TTC17: variants seen among roughly 807,000 people sequenced by gnomAD.
TTC17 encodes tetratricopeptide repeat protein 17.
A neutral mutation model predicts 143.8 loss-of-function variants in TTC17; 58 were observed. The observed-to-expected ratio is 0.40, with a 90% CI of 0.33 to 0.50. The LOEUF is 0.50. Among genes scored for constraint, TTC17 ranks in the 20% least tolerant of loss-of-function variants. The pLI is 0.49. For synonymous variants in TTC17, 501 were observed against 497.8 expected (o/e 1.01, Z -0.09); for missense variants, 1,273 against 1,392.5 (o/e 0.91, Z 1.37).
At chr11:43,474,145 A>T (rs765015921) in intron 21 of TTC17, among the ~76,000 whole-genome samples, 2 of 152,194 alleles carry the variant, frequency 1.3e-5, no homozygotes, top group Non-Finnish European at 2.9e-5. Flanking sequence ...TTCCCTGTGG[A>T]TGTACATTAT....
At chr11:43,429,605 C>G (rs1433908381) in intron 16 of TTC17, among the ~76,000 whole-genome samples, 2 of 152,076 alleles carry the variant, frequency 1.3e-5, no homozygotes, top group African/African-American at 4.8e-5. Flanking sequence ...TTATATTTTA[C>G]TAGAGATAAA....
At chr11:43,464,669 A>G (rs1947937228) in intron 21 of TTC17, among the ~76,000 whole-genome samples, 2 of 152,192 alleles carry the variant, frequency 1.3e-5, no homozygotes, top group Admixed American at 6.5e-5. Context: ...AAAGAAAATG[A>G]AAGCAGAAAA....
rs115011290 is a variant in TTC17, at chr11:43,450,400, T to C, written c.2946+159T>C. On this transcript the variant is annotated intron_variant, in intron 20 of 23. Coordinates refer to ENST00000039989, the MANE Select transcript of TTC17 (RefSeq NM_018259.6). ...TGGGTTTGGGCCAAGCCTGATTTCTTTCAGGCCCTGGGACTGAGCTTATTA... is the reference window on the plus strand; with the variant it reads ...TGGGTTTGGGCCAAGCCTGATTTCTCTCAGGCCCTGGGACTGAGCTTATTA... 4.3e-3 allele frequency among the ~76,000 whole-genome samples: 661 copies of C among 152,368 alleles called. 4 individuals are homozygous for C. The highest frequency in any genetic ancestry group is 0.015 in the African/African-American group (624 of 41,584).
intron 18 of TTC17, chr11:43,444,573 T>C (rs1221837516): frequency 6.2e-6 from 1 of 160,884 alleles, no homozygotes; most frequent in African/African-American, 2.4e-5. Flanking sequence ...GAAGCAAAGT[T>C]TTTTTGTAGA....
chr11:43,462,697 A>G (rs1178853147), intron 21 of TTC17, among the ~76,000 whole-genome samples: 4 of 152,242 alleles, frequency 2.6e-5, no homozygotes, highest in Non-Finnish European at 5.9e-5. Context: ...TTCACAAGGT[A>G]GGTATGTTCT....
chr11:43,451,050 C>A, intron 20 of TTC17, 132 bp from the exon 21 acceptor site: 1 of 730,840 alleles, frequency 1.4e-6, no homozygotes. Flanking sequence ...ATTACCTTAC[C>A]AATAGGACCA....
At chr11:43,388,402 G>A (rs889772967) in intron 2 of TTC17, among the ~76,000 whole-genome samples, 1 of 150,438 alleles carries the variant, frequency 6.6e-6, no homozygotes, top group African/African-American at 2.4e-5. Context: ...TATTTTAGGA[G>A]AGTAAGAGTA....
Position 43,493,843 on chromosome 11 carries a change from A to C in TTC17, c.3365A>C (p.Lys1122Thr), listed in dbSNP as rs746208748. Residue 1122 changes from lysine to threonine, a missense_variant, in exon 24 of 24, where the codon AAG becomes ACG. Lys to Thr is a moderately conservative substitution (Grantham distance 78). Around this residue, in one of 3 missense-constraint regions of TTC17, gnomAD observed 878 missense variants for 899.8 expected, o/e 0.98. Transcript: ENST00000039989. ...LKLQPEFVPA[K>T]NRIQTIQCHL... Reference sequence around the variant, plus strand: ...CTTCAGCCCGAGTTTGTCCCAGCCAAGAACCGAATCCAGACCATCCAGTGT... The same window carrying C: ...CTTCAGCCCGAGTTTGTCCCAGCCACGAACCGAATCCAGACCATCCAGTGT... 45 of 1,614,000 alleles carry C rather than the reference A, an allele frequency of 2.8e-5. No individual in the cohort carries two copies. Among genetic ancestry groups the C allele is most frequent in the Non-Finnish European group, 3.6e-5 (43 of 1,179,990 alleles).
In TTC17 at chr11:43,494,150, A is replaced by G. The variant is rs371870541; in HGVS notation, c.*246A>G. ...CTTAAAAGGAAAGTGCAGCTTCAAG[A>G]TATTGTGTAAATACTGAGCCAAGAC... On this transcript the variant is annotated 3_prime_UTR_variant, in exon 24 of 24. Coordinates refer to ENST00000039989, the MANE Select transcript of TTC17 (RefSeq NM_018259.6). 4.9e-6 allele frequency: 2 copies of G among 408,328 alleles called. No homozygotes were observed. Among genetic ancestry groups the G allele is most frequent in the Admixed American group, 4.1e-5 (1 of 24,504 alleles). The allele number at this position is 408,328 out of a possible 1,614,324, so 25.3% of individuals were successfully genotyped here.
intron 21 of TTC17, among the ~76,000 whole-genome samples, chr11:43,485,722 G>C (rs1206505509): frequency 1.3e-5 from 2 of 152,020 alleles, no homozygotes; most frequent in African/African-American, 4.8e-5. Flanking sequence ...TAGTGATCAG[G>C]AAATGCAAAG....
chr11:43,388,776 C>T (rs2134517252), intron 2 of TTC17, among the ~76,000 whole-genome samples: 1 of 151,016 alleles, frequency 6.6e-6, no homozygotes, highest in Non-Finnish European at 1.5e-5. Context: ...GAGTTTGAGA[C>T]CAGCCTGGGC....
At chr11:43,469,449 T>C (rs1015421688) in intron 21 of TTC17, among the ~76,000 whole-genome samples, 6 of 152,124 alleles carry the variant, frequency 3.9e-5, no homozygotes, top group African/African-American at 1.2e-4. Flanking sequence ...TAATAGCCAA[T>C]AAAACTGGTA....
At chr11:43,383,711 A>G (rs1857064374) in intron 2 of TTC17, among the ~76,000 whole-genome samples, 1 of 152,118 alleles carries the variant, frequency 6.6e-6, no homozygotes, top group South Asian at 2.1e-4. Context: ...TGGGAATTTG[A>G]ATGCAGACTG....
chr11:43,371,394 A>C (rs903013776), intron 1 of TTC17, among the ~76,000 whole-genome samples: 1 of 152,188 alleles, frequency 6.6e-6, no homozygotes, highest in Non-Finnish European at 1.5e-5. Flanking sequence ...CTTTGGGTTC[A>C]ATTAATTTGC....
rs1016634639 is a variant in TTC17, at chr11:43,399,907, A to T, written c.1078A>T (p.Asn360Tyr). The T allele has an allele frequency of 6.2e-7, 1 of 1,611,634 alleles. No homozygotes were observed. Among genetic ancestry groups the T allele is most frequent in the Non-Finnish European group, 8.5e-7 (1 of 1,179,158 alleles). Residue 360 changes from asparagine to tyrosine, a missense_variant, in exon 9 of 24, where the codon AAT becomes TAT. Physicochemically the swap from Asn to Tyr is moderately radical, Grantham distance 143. Transcript: ENST00000039989. The stretch of plus-strand genomic sequence containing the variant: ...GTTAAGATCTCTCCAGCGAACACTG[A>T]ATGAGTTAAAAGAGTATCAAAAGCA... ...AQHRSLQRTL[N>Y]ELKEYQKQHD...
chr11:43,405,094 C>CTT (rs528720022), intron 11 of TTC17, among the ~76,000 whole-genome samples: 9 of 132,488 alleles, frequency 6.8e-5, no homozygotes, highest in South Asian at 2.5e-4. Context: ...TCTTCTTTTT[C>CTT]TTTTTTTTTT....
At chr11:43,477,072 C>G (rs1948198237) in intron 21 of TTC17, among the ~76,000 whole-genome samples, 1 of 152,124 alleles carries the variant, frequency 6.6e-6, no homozygotes, top group Admixed American at 6.6e-5. Context: ...GTTCAAAGTT[C>G]CACAAATCTC....
intron 1 of TTC17, among the ~76,000 whole-genome samples, chr11:43,372,977 G>A (rs1856627396): frequency 6.6e-6 from 1 of 152,048 alleles, no homozygotes; most frequent in South Asian, 2.1e-4. Context: ...TAATATAGTA[G>A]ATATATTATT....
intron 21 of TTC17, among the ~76,000 whole-genome samples, chr11:43,470,414 G>A (rs927413785): frequency 1.3e-5 from 2 of 152,198 alleles, no homozygotes; most frequent in African/African-American, 4.8e-5. Context: ...AATATCTTTT[G>A]TAATAGCCTC....
Sources: gnomAD v4.1 joint callset for allele counts (sites outside exome capture counted in the v4.1 genomes callset) on GRCh38, gnomAD v4.1.1 for gene constraint, gnomAD v4.1.1 regional missense constraint, MANE v1.5 for transcripts, NCBI Gene and HGNC (gene_info 2026-07-23, HGNC 2026-07-21) for gene names.